LRRC17: variants seen among roughly 807,000 people sequenced by gnomAD.
The protein encoded by LRRC17 is leucine-rich repeat-containing protein 17.
A neutral mutation model predicts 41.5 loss-of-function variants in LRRC17; 33 were observed. That is an observed-to-expected ratio of 0.80 (90% CI 0.60 to 1.06). The LOEUF (loss-of-function observed/expected upper bound fraction) is 1.06. Among genes scored for constraint, LRRC17 ranks in the 50% least tolerant of loss-of-function variants. The pLI is 0.00. For missense variants in LRRC17, 491 were observed against 519.3 expected (o/e 0.95, Z 0.53); for synonymous variants, 192 against 197.0 (o/e 0.97, Z 0.21).
chr7:102,918,094 G>C (rs1816267864), intron 1 of LRRC17, among the ~76,000 whole-genome samples: 1 of 152,180 alleles, frequency 6.6e-6, no homozygotes, highest in South Asian at 2.1e-4. Context: ...AAGAGAGAAT[G>C]ACAGCAGAAA....
chr7:102,915,036 A>T (rs969399168), intron 1 of LRRC17, among the ~76,000 whole-genome samples: 1 of 152,066 alleles, frequency 6.6e-6, no homozygotes, highest in Non-Finnish European at 1.5e-5. Flanking sequence ...CGGCCAAATG[A>T]GATGTAAATC....
intron 1 of LRRC17, among the ~76,000 whole-genome samples, chr7:102,932,549 G>A (rs111891854): frequency 1.2e-3 from 1 of 840 alleles, no homozygotes. Flanking sequence ...ATAATAAACA[G>A]AATAGTTGAC....
At chr7:102,931,608 A>G (rs1819190978) in intron 1 of LRRC17, among the ~76,000 whole-genome samples, 1 of 152,178 alleles carries the variant, frequency 6.6e-6, no homozygotes, top group African/African-American at 2.4e-5. Context: ...TTTCTGTCTC[A>G]TACACACATA....
chr7:102,914,675 C>T (rs1052291013), intron 1 of LRRC17, among the ~76,000 whole-genome samples: 1 of 152,148 alleles, frequency 6.6e-6, no homozygotes, highest in Non-Finnish European at 1.5e-5. Context: ...AACACACATC[C>T]CGATCTGGGA....
At chr7:102,941,553 C>CT (rs1821438759) in intron 3 of LRRC17, among the ~76,000 whole-genome samples, 1 of 152,172 alleles carries the variant, frequency 6.6e-6, no homozygotes, top group Non-Finnish European at 1.5e-5. Flanking sequence ...TGCAATTCCC[C>CT]TGTCTTGATA....
intron 1 of LRRC17, among the ~76,000 whole-genome samples, chr7:102,915,998 G>A (rs1028217539): frequency 8.8e-6 from 1 of 113,842 alleles, no homozygotes; most frequent in East Asian, 2.6e-4. Context: ...TTTTTTTTTT[G>A]TTTGAGACGG....
At chr7:102,938,458 A>T (rs1249121527) in intron 2 of LRRC17, among the ~76,000 whole-genome samples, 1 of 152,220 alleles carries the variant, frequency 6.6e-6, no homozygotes, top group Non-Finnish European at 1.5e-5. Flanking sequence ...TAAATGGGGA[A>T]ATTACCTGGA....
chr7:102,944,235 A>G lies in LRRC17; in HGVS notation c.954A>G (p.Leu318=). Residue 318 remains leucine, a synonymous_variant, in exon 4 of 4, where the codon TTA becomes TTG. Coordinates refer to ENST00000339431, the MANE Select transcript of LRRC17 (RefSeq NM_001031692.3). ...CCGCTTTTTTAGGGCTCACACATTT[A>G]GAAGAATTAGATTTATCAAACAACA... ...DPAAFLGLTH[L]EELDLSNNSL... 1 of 1,609,684 alleles carries G rather than the reference A, an allele frequency of 6.2e-7. No individual in the cohort carries two copies. The highest frequency in any genetic ancestry group is 8.5e-7 in the Non-Finnish European group (1 of 1,178,554).
chr7:102,926,164 A>G, intron 1 of LRRC17: 1 of 795,162 alleles, frequency 1.3e-6, no homozygotes, highest in Non-Finnish European at 2.0e-6. Context: ...GCAGTGCCAC[A>G]GTGGTGGGGT....
At position 102,944,805 on chromosome 7, in the gene LRRC17, T is replaced by TG. The variant is rs1822171017; in HGVS notation, c.*200dup. The stretch of plus-strand genomic sequence containing the variant: ...ATCATCCTGCTTGCCTGTCCATTTG[T>TG]GGAACAGCATCTGGTGATATGCAAT... On this transcript the variant is annotated 3_prime_UTR_variant, in exon 4 of 4. Coordinates refer to ENST00000339431, the MANE Select transcript of LRRC17 (RefSeq NM_001031692.3). The TG allele has an allele frequency of 5.8e-6, 3 of 514,930 alleles. No individual in the cohort carries two copies. Among genetic ancestry groups the TG allele is most frequent in the Admixed American group, 3.7e-5 (1 of 26,684 alleles). The allele number at this position is 514,930 out of a possible 1,614,324, so 31.9% of individuals were successfully genotyped here.
intron 2 of LRRC17, among the ~76,000 whole-genome samples, chr7:102,938,418 C>A (rs529816311): frequency 1.3e-5 from 2 of 152,284 alleles, no homozygotes; most frequent in East Asian, 3.9e-4. Flanking sequence ...CAGAGTAGTT[C>A]TGAGGTTGCT....
At chr7:102,942,188 A>G in intron 3 of LRRC17, 1 of 783,540 alleles carries the variant, frequency 1.3e-6, no homozygotes, top group Non-Finnish European at 2.1e-6. Flanking sequence ...AATGCCAAGC[A>G]CTTTCCTAGA....
At chr7:102,926,712 A>T (rs533762335) in intron 1 of LRRC17, among the ~76,000 whole-genome samples, 1 of 152,216 alleles carries the variant, frequency 6.6e-6, no homozygotes, top group African/African-American at 2.4e-5. Flanking sequence ...GACTCTTCAT[A>T]TGCAGGAAAG....
chr7:102,934,037 T>TC lies in LRRC17; in HGVS notation c.126dup (p.Asn43GlnfsTer13), dbSNP rs1819754210. On this transcript the variant is annotated frameshift_variant, in exon 2 of 4. Coordinates refer to ENST00000339431, the MANE Select transcript of LRRC17 (RefSeq NM_001031692.3). LOFTEE classifies it high-confidence loss of function. ...CCGGGCGGGTGGAGGCCGGAGAGGCTCCAACCCGGTCAAACGCTACGCACC... is the reference window on the plus strand; with the variant it reads ...CCGGGCGGGTGGAGGCCGGAGAGGCTCCCAACCCGGTCAAACGCTACGCACC... 1 of 1,614,034 alleles carries TC rather than the reference T, an allele frequency of 6.2e-7. No individual in the cohort carries two copies. The highest frequency in any genetic ancestry group is 1.7e-5 in the Admixed American group (1 of 60,012).
rs191056610 is a variant in LRRC17 at position 102,924,113 on chromosome 7, C to T, written c.-140-9661C>T. 2.4e-4 allele frequency among the ~76,000 whole-genome samples: 36 copies of T among 151,772 alleles called. 1 individual carries two copies. In the East Asian group the frequency reaches 6.7e-3, roughly 28 times the overall value. On this transcript the variant is annotated intron_variant, in intron 1 of 3. Transcript: ENST00000339431. Reference sequence around the variant, plus strand: ...ATTAGCCGGGTGTGGTGGCACATGCCTCTAATCCCAGCTACTTGGGAGGCT... The same window carrying T: ...ATTAGCCGGGTGTGGTGGCACATGCTTCTAATCCCAGCTACTTGGGAGGCT...
intron 1 of LRRC17, among the ~76,000 whole-genome samples, chr7:102,931,172 A>C (rs893285366): frequency 6.6e-6 from 1 of 152,230 alleles, no homozygotes; most frequent in African/African-American, 2.4e-5. Flanking sequence ...AGCAAAGAGC[A>C]AATGCACAAC....
chr7:102,937,687 AG>A (rs1357652532), intron 2 of LRRC17, among the ~76,000 whole-genome samples: 1 of 152,170 alleles, frequency 6.6e-6, no homozygotes, highest in Non-Finnish European at 1.5e-5. Flanking sequence ...TCCCTTTGGT[AG>A]TGCCTGCCAC....
At chr7:102,913,179 A>G (rs2129469091) in intron 1 of LRRC17, 34 bp downstream of exon 1, 2 of 1,614,210 alleles carry the variant, frequency 1.2e-6, no homozygotes, top group South Asian at 2.2e-5. Context: ...ACCGTCTGCA[A>G]TAAGCCAAAC....
intron 3 of LRRC17, 46 bp downstream of exon 3, chr7:102,939,631 T>A (rs201366017): frequency 1.9e-6 from 3 of 1,539,430 alleles, no homozygotes; most frequent in Non-Finnish European, 2.6e-6. Flanking sequence ...AAGTGTTCTG[T>A]GATTTTTTTC....
Sources: allele counts gnomAD v4.1 joint callset (sites outside exome capture counted in the v4.1 genomes callset), GRCh38; gene constraint gnomAD v4.1.1; transcripts MANE v1.5; gene names NCBI Gene and HGNC (gene_info 2026-07-23, HGNC 2026-07-21).